LRP1: variants seen among roughly 807,000 people sequenced by gnomAD.
LRP1 encodes prolow-density lipoprotein receptor-related protein 1.
A neutral mutation model predicts 541.5 loss-of-function variants in LRP1; 51 were observed. The ratio of observed to expected loss-of-function variants is 0.09; its 90% confidence interval spans 0.08 to 0.12. LRP1 has a LOEUF of 0.12. Among genes scored for constraint, LRP1 ranks in the 10% least tolerant of loss-of-function variants. The probability of loss-of-function intolerance (pLI) is 1.00; values close to 1 mark genes in which losing one functional copy is unlikely to be tolerated. For missense variants in LRP1, 3,878 were observed against 6,376.2 expected, an observed-to-expected ratio of 0.61 and a Z score of 13.34; for synonymous variants, 2,219 against 2,470.8, an observed-to-expected ratio of 0.90 and a Z score of 3.02.
Position 57,210,345 on chromosome 12 carries a change from G to A in LRP1, c.12619G>A (p.Gly4207Ser), listed in dbSNP as rs371843269. Reference protein sequence around the residue: ...PGTCNLQCFNGGSCFLNARRQ... With the variant: ...PGTCNLQCFNSGSCFLNARRQ... ...AACCTGTAACCTGCAGTGCTTCAACGGTGGCAGCTGTTTCCTCAATGCACG... is the reference window on the plus strand; with the variant it reads ...AACCTGTAACCTGCAGTGCTTCAACAGTGGCAGCTGTTTCCTCAATGCACG... The change falls in exon 82 of 89, where the codon GGT (glycine) becomes AGT (serine). Residue 4207 changes from glycine to serine, a missense_variant. Coordinates refer to ENST00000243077, the MANE Select transcript of LRP1 (RefSeq NM_002332.3). The A allele has an allele frequency of 2.2e-5, 35 of 1,587,950 alleles. No homozygotes were observed. The African/African-American group carries it at 3.6e-4, about 17-fold the overall frequency.
Position 57,183,408 on chromosome 12 carries a change from C to G in LRP1, c.5692C>G (p.His1898Asp). ...GVGSFLLYSVHEGIRGIPLDP... is the reference protein window; with the variant it reads ...GVGSFLLYSVDEGIRGIPLDP... ...AGGTTCCTTTCTCCTGTACTCTGTGCATGAGGGAATCAGGGGAATTCCCCT... is the reference window on the plus strand; with the variant it reads ...AGGTTCCTTTCTCCTGTACTCTGTGGATGAGGGAATCAGGGGAATTCCCCT... Residue 1898 changes from histidine to aspartate, a missense_variant, in exon 35 of 89, where the codon CAT (histidine) becomes GAT (aspartate). Physicochemically the swap from His to Asp is moderately conservative, Grantham distance 81 (BLOSUM62 -1). Transcript: ENST00000243077. This position sits in a 1 kb window ranked among gnomAD's most constrained non-coding sequence, Gnocchi z 6.1. The G allele has an allele frequency of 6.2e-7, 1 of 1,614,040 alleles. No individual in the cohort carries two copies. The highest frequency in any genetic ancestry group is 8.5e-7 in the Non-Finnish European group (1 of 1,179,854).
intron 6 of LRP1, chr12:57,149,899 C>T (rs1447021276): frequency 6.3e-6 from 4 of 632,234 alleles, no homozygotes; most frequent in African/African-American, 3.6e-5. Context: ...AGGCGAGATC[C>T]CTGAGTAGGA....
In LRP1 at chr12:57,205,459, C is replaced by T. The variant is rs267603600; in HGVS notation, c.11444C>T (p.Thr3815Ile). The change falls in exon 74 of 89, where the codon ACC becomes ATC. Residue 3815 changes from threonine to isoleucine, a missense_variant. Thr to Ile is a moderately conservative substitution (Grantham distance 89, BLOSUM62 -1). Transcript: ENST00000243077. The surrounding 1 kb of genome is among the most constrained non-coding windows in gnomAD (Gnocchi z 4.6). ...TGTGCCTGCCGCTCGGGCTTCCACA[C>T]CGTGCCCGGCCAGCCCGGATGCCAA... ...AYCACRSGFH[T>I]VPGQPGCQDI... 1.2e-6 allele frequency: 2 copies of T among 1,611,042 alleles called. No individual in the cohort carries two copies. Among genetic ancestry groups the T allele is most frequent in the African/African-American group, 2.7e-5 (2 of 75,004 alleles).
Position 57,203,534 on chromosome 12 carries a change from G to A in LRP1, c.10951+13G>A, listed in dbSNP as rs1317485703. The A allele has an allele frequency of 6.6e-7, 1 of 1,520,812 alleles. No homozygotes were observed. 94.2% of individuals were successfully genotyped at this position (1,520,812 alleles called of 1,614,324 possible). A position where few individuals can be genotyped will look rare whatever the true frequency, so the allele number is the denominator to read the frequency against. ...TGCGGCACTGGCGGTGCGCCCCTTG[G>A]CTTGGTCTCCCTGGGTCCTCCCTCT... On this transcript the variant is annotated intron_variant, in intron 70 of 88. Coordinates refer to ENST00000243077, the MANE Select transcript of LRP1 (RefSeq NM_002332.3).
intron 13 of LRP1, among the ~76,000 whole-genome samples, chr12:57,161,902 C>T (rs1054901909): frequency 6.6e-6 from 1 of 152,176 alleles, no homozygotes; most frequent in Non-Finnish European, 1.5e-5. Flanking sequence ...CCTACTACAG[C>T]TCAGCCCCTA....
chr12:57,211,117 C>G lies in LRP1; in HGVS notation c.12917-59C>G. On this transcript the variant is annotated intron_variant, in intron 83 of 88. Coordinates refer to ENST00000243077, the MANE Select transcript of LRP1 (RefSeq NM_002332.3). The surrounding 1 kb of genome is among the most constrained non-coding windows in gnomAD (Gnocchi z 4.3). Reference sequence around the variant, plus strand: ...TGCAAACAGAAAAGCTCTGTTCAACCTATGGAGAGCCCTCATGAGGGTGGG... The same window carrying G: ...TGCAAACAGAAAAGCTCTGTTCAACGTATGGAGAGCCCTCATGAGGGTGGG... The G allele has an allele frequency of 6.4e-7, 1 of 1,571,352 alleles. No individual in the cohort carries two copies. The highest frequency in any genetic ancestry group is 2.2e-5 in the East Asian group (1 of 44,484).
chr12:57,130,086 G>A (rs1172784147), intron 1 of LRP1, among the ~76,000 whole-genome samples: 1 of 152,018 alleles, frequency 6.6e-6, no homozygotes, highest in Non-Finnish European at 1.5e-5. Context: ...TGAGTCACTG[G>A]TTCAAGTCTT....
At chr12:57,207,570 G>T (rs957198121) in intron 76 of LRP1, among the ~76,000 whole-genome samples, 1 of 152,014 alleles carries the variant, frequency 6.6e-6, no homozygotes, top group Non-Finnish European at 1.5e-5. Context: ...AGGGCAGTGC[G>T]AGGGGCAAAG....
Position 57,128,937 on chromosome 12 carries a change from G to T in LRP1, c.-28G>T, listed in dbSNP as rs1305855573. 6.6e-7 allele frequency: 1 copy of T among 1,526,446 alleles called. No homozygotes were observed. The highest frequency in any genetic ancestry group is 1.4e-5 in the African/African-American group (1 of 72,678). 94.6% of individuals were successfully genotyped at this position (1,526,446 alleles called of 1,614,324 possible). On this transcript the variant is annotated 5_prime_UTR_variant, in exon 1 of 89. It adds an upstream start codon to the 5' untranslated region. Transcript: ENST00000243077. ...GAGAAGTAGCAGGACCAGAGGGGAA[G>T]GGGCTGCTGCTTGCATCAGCCCACA... is the stretch of plus-strand genomic sequence containing the variant.
In LRP1 at chr12:57,198,445, C is replaced by T; in HGVS notation, c.9471-20C>T. On this transcript the variant is annotated intron_variant, in intron 59 of 88. Transcript: ENST00000243077. ...ATGGGTTACGGGATCTCCCAGGGCT[C>T]ACTGCCTACCCATCGCCAGGTACCT... 5.0e-6 allele frequency: 8 copies of T among 1,611,812 alleles called. No homozygotes were observed. The highest frequency in any genetic ancestry group is 6.8e-6 in the Non-Finnish European group (8 of 1,178,484).
rs569259455 is a variant in LRP1, at chr12:57,189,438, G to A, written c.7032-1367G>A. Among the ~76,000 whole-genome samples the A allele has an allele frequency of 4.7e-4, 72 of 152,210 alleles. 1 individual carries two copies. Among genetic ancestry groups the A allele is most frequent in the Admixed American group, 1.9e-3 (29 of 15,292 alleles). On this transcript the variant is annotated intron_variant, in intron 42 of 88. Coordinates refer to ENST00000243077, the MANE Select transcript of LRP1 (RefSeq NM_002332.3). The surrounding 1 kb of genome is among the most constrained non-coding windows in gnomAD (Gnocchi z 4.4). Reference sequence around the variant, plus strand: ...CTTACATCCCGATTCCAGAGCCACCGCAAACCCCTGCTCTCCTCCAGGATG... The same window carrying A: ...CTTACATCCCGATTCCAGAGCCACCACAAACCCCTGCTCTCCTCCAGGATG...
chr12:57,156,660 T>G lies in LRP1; in HGVS notation c.1418-117T>G. On this transcript the variant is annotated intron_variant, in intron 9 of 88. Coordinates refer to ENST00000243077, the MANE Select transcript of LRP1 (RefSeq NM_002332.3). The surrounding 1 kb of genome is among the most constrained non-coding windows in gnomAD (Gnocchi z 5.2). ...CCCCTGTGGCTTCCAAATCCTAAAA[T>G]GGGATAGCAAGCACAAAGACCACAG... 4.9e-6 allele frequency: 6 copies of G among 1,212,796 alleles called. No homozygotes were observed. The highest frequency in any genetic ancestry group is 6.7e-6 in the Non-Finnish European group (6 of 892,032). 75.1% of individuals were successfully genotyped at this position (1,212,796 alleles called of 1,614,324 possible). A position where few individuals can be genotyped will look rare whatever the true frequency, so the allele number is the denominator to read the frequency against.
At position 57,173,943 on chromosome 12, in the gene LRP1, C is replaced by T. The variant is rs148283183; in HGVS notation, c.3510C>T (p.Asp1170=). 238 of 1,614,206 alleles carry T rather than the reference C, an allele frequency of 1.5e-4. 1 individual carries two copies. The East Asian group carries it at 4.7e-3, about 32-fold the overall frequency. The change falls in exon 22 of 89, where the codon GAC becomes GAT. Residue 1170 remains aspartate, a synonymous_variant. Transcript: ENST00000243077. The surrounding 1 kb of genome is among the most constrained non-coding windows in gnomAD (Gnocchi z 4.7). ...LPPDKLCDGN[D]DCGDGSDEGE... ...CTGACAAGCTGTGTGATGGCAACGACGACTGTGGCGACGGCTCAGATGAGG... is the reference window on the plus strand; with the variant it reads ...CTGACAAGCTGTGTGATGGCAACGATGACTGTGGCGACGGCTCAGATGAGG...
chr12:57,158,493 C>A lies in LRP1; in HGVS notation c.1653C>A (p.His551Gln), dbSNP rs2035665827. The A allele has an allele frequency of 6.2e-7, 1 of 1,614,078 alleles. No homozygotes were observed. Among genetic ancestry groups the A allele is most frequent in the African/African-American group, 1.3e-5 (1 of 74,932 alleles). Residue 551 changes from histidine (H) to glutamine (Q), a missense_variant, in exon 11 of 89, where the codon CAC (histidine) becomes CAA (glutamine). His to Gln is a conservative substitution (Grantham distance 24). Transcript: ENST00000243077. This position sits in a 1 kb window ranked among gnomAD's most constrained non-coding sequence, Gnocchi z 5.3. The stretch of plus-strand genomic sequence containing the variant: ...TGGGGGCCAAGGTCCCGGATGAGCA[C>A]ATGATCCCCATTGAAAACCTCATGA... ...MDMGAKVPDE[H>Q]MIPIENLMNP... is the part of the protein sequence containing the mutation.
chr12:57,187,538 G>T, intron 42 of LRP1, 82 bp downstream of exon 42: 1 of 1,406,036 alleles, frequency 7.1e-7, no homozygotes, highest in Non-Finnish European at 9.6e-7. Flanking sequence ...ATCCAAGCGG[G>T]GGTGCAGGAG....
Position 57,211,865 on chromosome 12 carries a change from G to T in LRP1, c.13258+51G>T. Reference sequence around the variant, plus strand: ...AGGGCCACCGGGACCTAGAGCAGGGGGACCGTGTGCCTCCTGCTTCCCTGA... The same window carrying T: ...AGGGCCACCGGGACCTAGAGCAGGGTGACCGTGTGCCTCCTGCTTCCCTGA... On this transcript the variant is annotated intron_variant, in intron 86 of 88. Coordinates refer to ENST00000243077, the MANE Select transcript of LRP1 (RefSeq NM_002332.3). This position sits in a 1 kb window ranked among gnomAD's most constrained non-coding sequence, Gnocchi z 4.3. 6.2e-7 allele frequency: 1 copy of T among 1,613,408 alleles called. No homozygotes were observed. Among genetic ancestry groups the T allele is most frequent in the Non-Finnish European group, 8.5e-7 (1 of 1,179,722 alleles).
rs1177791167 is a variant in LRP1 at position 57,189,104 on chromosome 12, T to C, written c.7031+1648T>C. 1.3e-5 allele frequency among the ~76,000 whole-genome samples: 2 copies of C among 152,036 alleles called. No homozygotes were observed. Among genetic ancestry groups the C allele is most frequent in the Non-Finnish European group, 1.5e-5 (1 of 67,990 alleles). ...CCCTGTAGAGCTCACAGTAGGATAG[T>C]TAGAAGGTCCGCCATGTTCCTGGAC... On this transcript the variant is annotated intron_variant, in intron 42 of 88. Coordinates refer to ENST00000243077, the MANE Select transcript of LRP1 (RefSeq NM_002332.3). The surrounding 1 kb of genome is among the most constrained non-coding windows in gnomAD (Gnocchi z 4.4).
chr12:57,210,631 C>T (rs994900055), intron 82 of LRP1, 87 bp from the exon 83 acceptor site: 17 of 1,499,942 alleles, frequency 1.1e-5, no homozygotes, highest in East Asian at 2.3e-5. Context: ...CTCTGCTTCT[C>T]GCCCAGGTCC....
Position 57,200,828 on chromosome 12 carries a change from C to T in LRP1, c.10225+13C>T. ...GAGGCCAACTGTGGTAAGGCGCTGCCCGCCCACCCTCCCTCCTTCCCCAGC... is the reference window on the plus strand; with the variant it reads ...GAGGCCAACTGTGGTAAGGCGCTGCTCGCCCACCCTCCCTCCTTCCCCAGC... On this transcript the variant is annotated intron_variant, in intron 64 of 88. Transcript: ENST00000243077. 2 of 773,850 alleles carry T rather than the reference C, an allele frequency of 2.6e-6. No individual in the cohort carries two copies. Among genetic ancestry groups the T allele is most frequent in the Non-Finnish European group, 4.0e-6 (2 of 497,850 alleles). 47.9% of individuals were successfully genotyped at this position (773,850 alleles called of 1,614,324 possible).
Sources: allele counts gnomAD v4.1 joint callset (sites outside exome capture counted in the v4.1 genomes callset), GRCh38; gene constraint gnomAD v4.1.1; non-coding constraint Gnocchi (gnomAD v3.1); transcripts MANE v1.5; gene names NCBI Gene and HGNC (gene_info 2026-07-23, HGNC 2026-07-21).